OMA1: variants seen among roughly 807,000 people sequenced by gnomAD.
OMA1 encodes OMA1 zinc metallopeptidase, also known as metalloendopeptidase OMA1, mitochondrial.
A neutral mutation model predicts 30.9 loss-of-function variants in OMA1; 38 were observed. That is an observed-to-expected ratio of 1.23 (90% CI 0.95 to 1.61). The LOEUF is 1.61. Ranked by LOEUF, OMA1 falls within the 40% of genes most tolerant of loss-of-function variation. The probability of loss-of-function intolerance (pLI) is 0.00; values close to 1 mark genes in which losing one functional copy is unlikely to be tolerated. For missense variants in OMA1, 461 were observed against 349.2 expected, an observed-to-expected ratio of 1.32 and a Z score of -2.55; for synonymous variants, 173 against 121.9, an observed-to-expected ratio of 1.42 and a Z score of -2.76.
In OMA1 at chr1:58,531,795, C is replaced by T. The variant is rs1028288486; in HGVS notation, c.1012-1066G>A. On this transcript the variant is annotated intron_variant, in intron 5 of 8. Transcript: ENST00000371226. ...CGAGGTCTCGACTCACTGCAACCTC[C>T]GCCTCCAGGTTCAAATGTTTCTCCT... is the stretch of plus-strand genomic sequence containing the variant. 1.3e-5 allele frequency among the ~76,000 whole-genome samples: 2 copies of T among 152,040 alleles called. 1 individual carries two copies. The highest frequency in any genetic ancestry group is 4.1e-4 in the South Asian group (2 of 4,824).
chr1:58,527,396 C>T, intron 6 of OMA1, 61 bp from the exon 7 acceptor site: 1 of 815,020 alleles, frequency 1.2e-6, no homozygotes, highest in Non-Finnish European at 2.2e-6. Flanking sequence ...AAAGGAGTAA[C>T]ACAGAGAGAT....
At chr1:58,525,050 T>A (rs932632632) in intron 7 of OMA1, among the ~76,000 whole-genome samples, 1 of 152,230 alleles carries the variant, frequency 6.6e-6, no homozygotes, top group African/African-American at 2.4e-5. Flanking sequence ...TAATACTGCA[T>A]CTTTCTGTTT....
intron 8 of OMA1, among the ~76,000 whole-genome samples, chr1:58,505,056 G>A (rs530420559): frequency 3.9e-4 from 59 of 152,082 alleles, no homozygotes; most frequent in African/African-American, 1.3e-3. Context: ...GGGTTCAAGC[G>A]ATTCCCCTGC....
chr1:58,530,865 C>T, intron 5 of OMA1, 136 bp from the exon 6 acceptor site: 2 of 590,856 alleles, frequency 3.4e-6, no homozygotes, highest in Admixed American at 2.9e-5. Context: ...TCTTCTTTTG[C>T]TTATTCTTTC....
At position 58,528,501 on chromosome 1, in the gene OMA1, T is replaced by C. The variant is rs369260408; in HGVS notation, c.1141-1166A>G. Among the ~76,000 whole-genome samples the C allele has an allele frequency of 5.9e-4, 90 of 152,338 alleles. No homozygotes were observed. The South Asian group carries it at 0.018, about 30-fold the overall frequency. ...AATGATTCTAAACCTAGTGTGATTT[T>C]GTCCTCCAGGGACATTTACAAATGT... On this transcript the variant is annotated intron_variant, in intron 6 of 8. Coordinates refer to ENST00000371226, the MANE Select transcript of OMA1 (RefSeq NM_145243.5).
intron 7 of OMA1, among the ~76,000 whole-genome samples, chr1:58,520,071 A>G (rs749910296): frequency 6.6e-6 from 1 of 152,196 alleles, no homozygotes; most frequent in Non-Finnish European, 1.5e-5. Flanking sequence ...CAAAGATGGG[A>G]ACAACAGACA....
intron 8 of OMA1, among the ~76,000 whole-genome samples, chr1:58,486,614 C>T (rs531038392): frequency 6.6e-6 from 1 of 152,258 alleles, no homozygotes; most frequent in Admixed American, 6.5e-5. Flanking sequence ...AAAGGCCTTA[C>T]ACACTAGGGT....
intron 8 of OMA1, among the ~76,000 whole-genome samples, chr1:58,484,035 A>G (rs942606657): frequency 1.3e-5 from 2 of 152,190 alleles, no homozygotes; most frequent in Non-Finnish European, 2.9e-5. Context: ...GCCATCCCCT[A>G]AGATCTTTGT....
intron 7 of OMA1, among the ~76,000 whole-genome samples, chr1:58,519,820 G>C (rs1646233124): frequency 6.6e-6 from 1 of 152,096 alleles, no homozygotes; most frequent in African/African-American, 2.4e-5. Context: ...TTTCACCAGA[G>C]AAGTGAAATT....
chr1:58,545,694 A>AGCACTCACTG (rs1646691616), intron 1 of OMA1, among the ~76,000 whole-genome samples: 1 of 152,268 alleles, frequency 6.6e-6, no homozygotes, highest in Non-Finnish European at 1.5e-5. Flanking sequence ...GAGCAAGTGC[A>AGCACTCACTG]GCACTCACTG....
chr1:58,521,652 C>G (rs1257392404), intron 7 of OMA1, among the ~76,000 whole-genome samples: 2 of 152,168 alleles, frequency 1.3e-5, no homozygotes, highest in Non-Finnish European at 2.9e-5. Context: ...AAAACAACTT[C>G]ATGCCAATGA....
intron 1 of OMA1, chr1:58,542,339 T>G (rs945360892): frequency 1.1e-4 from 17 of 152,254 alleles, no homozygotes; most frequent in African/African-American, 4.1e-4. Context: ...TAGTAAGGTT[T>G]TCATTGGCTA....
At chr1:58,544,854 A>G (rs115498186) in intron 1 of OMA1, among the ~76,000 whole-genome samples, 1,966 of 152,304 alleles carry the variant, frequency 0.013, 17 homozygotes, top group Non-Finnish European at 0.022. Flanking sequence ...TCGGTCTCCC[A>G]AAGTGTTGGG....
At chr1:58,489,305 T>G (rs1645633571) in intron 8 of OMA1, among the ~76,000 whole-genome samples, 1 of 152,210 alleles carries the variant, frequency 6.6e-6, no homozygotes, top group Admixed American at 6.5e-5. Context: ...ATCCCACGCC[T>G]GGCTCAAAGG....
chr1:58,486,554 T>C (rs1373524547), intron 8 of OMA1, among the ~76,000 whole-genome samples: 2 of 152,202 alleles, frequency 1.3e-5, no homozygotes, highest in East Asian at 3.8e-4. Context: ...TTAACTAATA[T>C]TCACTAATCA....
chr1:58,532,902 C>T (rs935015265), intron 5 of OMA1, among the ~76,000 whole-genome samples: 8 of 152,106 alleles, frequency 5.3e-5, no homozygotes, highest in African/African-American at 1.9e-4. Context: ...TTCAGAAAAA[C>T]AATTTAGCCC....
intron 8 of OMA1, among the ~76,000 whole-genome samples, chr1:58,500,111 CT>C (rs1394566102): frequency 6.6e-6 from 1 of 152,092 alleles, no homozygotes; most frequent in Non-Finnish European, 1.5e-5. Context: ...TTACTTTCCC[CT>C]TTCCCCTCAA....
At chr1:58,481,374 T>C (rs1645479662) in intron 8 of OMA1, among the ~76,000 whole-genome samples, 200 bp from the exon 9 acceptor site, 1 of 152,140 alleles carries the variant, frequency 6.6e-6, no homozygotes, top group Non-Finnish European at 1.5e-5. Flanking sequence ...TTTGGTCAAA[T>C]AGTATTATTT....
At chr1:58,514,631 G>A (rs564960824) in intron 7 of OMA1, among the ~76,000 whole-genome samples, 65 of 152,274 alleles carry the variant, frequency 4.3e-4, no homozygotes, top group Admixed American at 9.8e-4. Context: ...ATAGACATGT[G>A]ATAGGTAAAA....
Sources: gnomAD v4.1 joint callset for allele counts (sites outside exome capture counted in the v4.1 genomes callset) on GRCh38, gnomAD v4.1.1 for gene constraint, MANE v1.5 for transcripts, NCBI Gene and HGNC (gene_info 2026-07-23, HGNC 2026-07-21) for gene names.